Variants in CFAP119 observed in about 807,000 individuals in gnomAD.
The protein encoded by CFAP119 is cilia and flagella associated protein 119.
chr16:30,759,249 T>C, the CFAP119 span: 2 of 1,614,062 alleles, frequency 1.2e-6, no homozygotes, highest in Non-Finnish European at 1.7e-6. Context: ...CAGCCGCACC[T>C]GGGAAGCAAG....
chr16:30,760,309 G>C, the CFAP119 span: 1 of 1,614,184 alleles, frequency 6.2e-7, no homozygotes, highest in Non-Finnish European at 8.5e-7. Context: ...GAAGATCCTG[G>C]AGCAGGGCAC....
At chr16:30,758,972 C>T in the CFAP119 span, 13 of 1,612,416 alleles carry the variant, frequency 8.1e-6, no homozygotes, top group East Asian at 2.7e-4. Flanking sequence ...TCTACACCTG[C>T]TCAGAGGGAC....
At chr16:30,759,027 G>C in the CFAP119 span, 1 of 1,614,222 alleles carries the variant, frequency 6.2e-7, no homozygotes. Flanking sequence ...TCTGGCTCTG[G>C]TGGGGCCACT....
chr16:30,759,310 A>C, the CFAP119 span: 3 of 1,612,612 alleles, frequency 1.9e-6, no homozygotes, highest in Non-Finnish European at 1.7e-6. Flanking sequence ...GGGGCGGTTG[A>C]GGGTGGCTCC....
the CFAP119 span, chr16:30,758,913 T>C: frequency 6.5e-7 from 1 of 1,533,260 alleles, no homozygotes; most frequent in South Asian, 1.3e-5. Context: ...GAAAGGACTC[T>C]GACTAAAAAC....
At chr16:30,759,430 T>C in the CFAP119 span, 1 of 1,614,182 alleles carries the variant, frequency 6.2e-7, no homozygotes, top group Non-Finnish European at 8.5e-7. Flanking sequence ...CTGTTCCTCT[T>C]TGAAGAGGTC....
chr16:30,759,577 T>C, the CFAP119 span: 2 of 1,613,746 alleles, frequency 1.2e-6, no homozygotes, highest in Non-Finnish European at 1.7e-6. Context: ...AAGATAAGGG[T>C]GATGAATGTG....
At chr16:30,760,843 C>T in the CFAP119 span, 1 of 647,616 alleles carries the variant, frequency 1.5e-6, no homozygotes, top group African/African-American at 1.8e-5. Context: ...CTCTTATGAG[C>T]CTCTCCATTT....
At chr16:30,758,466 AC>A in the CFAP119 span, 1 of 168,178 alleles carries the variant, frequency 5.9e-6, no homozygotes, top group African/African-American at 2.4e-5. Context: ...GGTTTGCTTT[AC>A]CCATCAACCC....
the CFAP119 span, chr16:30,759,922 C>CA: frequency 1.4e-6 from 2 of 1,440,190 alleles, no homozygotes; most frequent in African/African-American, 2.9e-5. Context: ...CTGAACAAGA[C>CA]AGACAAGGTC....
chr16:30,760,492 C>T, the CFAP119 span: 6 of 1,612,154 alleles, frequency 3.7e-6, no homozygotes, highest in East Asian at 8.9e-5. Flanking sequence ...ACTGGGCCTC[C>T]TTTCATCACC....
chr16:30,761,602 C>T, the CFAP119 span: 197 of 1,536,190 alleles, frequency 1.3e-4, 1 homozygote, highest in African/African-American at 5.9e-4. Context: ...CCGTCGTCCA[C>T]TGAGTCCGCA....
chr16:30,757,797 T>C, the CFAP119 span: 1 of 1,423,636 alleles, frequency 7.0e-7, no homozygotes, highest in Non-Finnish European at 9.1e-7. Context: ...TAGGAAATGT[T>C]AGCAAGCCCT....
the CFAP119 span, chr16:30,759,551 C>A: frequency 1.9e-6 from 3 of 1,614,100 alleles, 1 homozygote; most frequent in Admixed American, 5.0e-5. Flanking sequence ...GGAGAGCCCA[C>A]TGGGGTCTTC....
At chr16:30,760,689 G>C in the CFAP119 span, 1 of 1,549,954 alleles carries the variant, frequency 6.5e-7, no homozygotes, top group Admixed American at 2.0e-5. Flanking sequence ...AAAAGAAAAA[G>C]AGTATTGGTG....
At chr16:30,760,119 A>G in the CFAP119 span, 2 of 1,546,764 alleles carry the variant, frequency 1.3e-6, no homozygotes, top group Non-Finnish European at 1.7e-6. Flanking sequence ...TAATTTCTAG[A>G]TAAGGAAGCA....
chr16:30,759,494 C>T, the CFAP119 span: 3 of 1,614,212 alleles, frequency 1.9e-6, no homozygotes, highest in Admixed American at 5.0e-5. Context: ...CCCTGACTAC[C>T]TTCCGGAGCC....
chr16:30,760,969 A>G, the CFAP119 span: 2,808 of 612,780 alleles, frequency 4.6e-3, 14 homozygotes, highest in Non-Finnish European at 6.2e-3. Flanking sequence ...AATACTCCTT[A>G]GCGGCCATGA....
chr16:30,761,772 G>C, the CFAP119 span: 1 of 1,503,596 alleles, frequency 6.7e-7, no homozygotes, highest in Non-Finnish European at 8.9e-7. Context: ...CGTGCCGCGA[G>C]GCGCCCCGGG....
Sources: gnomAD v4.1 joint callset for allele counts on GRCh38, gnomAD v4.1.1 for gene constraint, MANE v1.5 for transcripts, NCBI Gene and HGNC (gene_info 2026-07-23, HGNC 2026-07-21) for gene names.